The following MEF2C variants were observed in gnomAD, a reference collection of about 807,000 sequenced individuals.
MEF2C encodes the protein myocyte enhancer factor 2C.
In MEF2C, 6 loss-of-function variants were observed where a neutral mutation model predicts 50.5. That is an observed-to-expected ratio of 0.12 (90% confidence interval 0.07 to 0.23). The LOEUF is 0.23. MEF2C is among the 10% of genes least tolerant of loss of function. MEF2C has a pLI of 1.00. For synonymous variants in MEF2C, 183 were observed against 228.0 expected (o/e 0.80, Z 1.78); for missense variants, 276 against 605.0 (o/e 0.46, Z 5.70).
At chr5:88,898,441 T>C (rs1314280248) in intron 1 of MEF2C, among the ~76,000 whole-genome samples, 1 of 152,136 alleles carries the variant, frequency 6.6e-6, no homozygotes, top group Non-Finnish European at 1.5e-5. Context: ...GATAAGTGAC[T>C]CCCAAACATT....
chr5:88,815,360 A>G (rs903634459), intron 2 of MEF2C, among the ~76,000 whole-genome samples: 7 of 152,020 alleles, frequency 4.6e-5, no homozygotes, highest in Admixed American at 3.3e-4. Flanking sequence ...GGGCCTTCCA[A>G]ATCAATCCTT....
At chr5:88,884,307 G>T (rs1363840025), upstream of MEF2C, 1 of 152,158 alleles carries the variant, frequency 6.6e-6, no homozygotes, top group African/African-American at 2.4e-5. Context: ...CCACCGGTCG[G>T]TGCGCTCCTC....
At chr5:88,875,365 T>C (rs541680828) in intron 1 of MEF2C, among the ~76,000 whole-genome samples, 1 of 152,116 alleles carries the variant, frequency 6.6e-6, no homozygotes, top group East Asian at 1.9e-4. Context: ...GCACCACACA[T>C]TGTGGTGGAA....
chr5:88,894,320 A>G (rs1156991454), intron 1 of MEF2C, among the ~76,000 whole-genome samples: 1 of 152,216 alleles, frequency 6.6e-6, no homozygotes, highest in African/African-American at 2.4e-5. Context: ...ATGATGCTAT[A>G]CTGCTTCCTT....
At chr5:88,800,026 C>T (rs768872560) in intron 3 of MEF2C, among the ~76,000 whole-genome samples, 1 of 152,092 alleles carries the variant, frequency 6.6e-6, no homozygotes, top group Non-Finnish European at 1.5e-5. Context: ...CTCTGAATTT[C>T]CTAGAGAGCA....
intron 1 of MEF2C, among the ~76,000 whole-genome samples, chr5:88,846,564 CTT>C (rs1819426943): frequency 6.6e-6 from 1 of 152,180 alleles, no homozygotes; most frequent in South Asian, 2.1e-4. Context: ...GGAGAAATCT[CTT>C]TGTGCTCAAC....
At chr5:88,822,513 A>G (rs1000463993) in intron 2 of MEF2C, among the ~76,000 whole-genome samples, 1 of 152,118 alleles carries the variant, frequency 6.6e-6, no homozygotes, top group Admixed American at 6.6e-5. Flanking sequence ...TGTACCTGAA[A>G]ATATATAATA....
chr5:88,895,816 C>A (rs370687454), intron 1 of MEF2C, among the ~76,000 whole-genome samples: 1 of 152,108 alleles, frequency 6.6e-6, no homozygotes, highest in Non-Finnish European at 1.5e-5. Flanking sequence ...CCTTTATGTC[C>A]GCGGAATTCT....
intron 3 of MEF2C, among the ~76,000 whole-genome samples, chr5:88,785,137 T>C (rs1212592690): frequency 6.6e-6 from 1 of 152,120 alleles, no homozygotes; most frequent in Non-Finnish European, 1.5e-5. Flanking sequence ...TTACAGGAAC[T>C]GAACATAACA....
chr5:88,795,724 C>T (rs918547570), intron 3 of MEF2C, among the ~76,000 whole-genome samples: 1 of 152,174 alleles, frequency 6.6e-6, no homozygotes, highest in Non-Finnish European at 1.5e-5. Flanking sequence ...GTGCAGTTTT[C>T]AAAGGGAATG....
chr5:88,740,852 CTG>C, intron 6 of MEF2C: 8 of 985,290 alleles, frequency 8.1e-6, no homozygotes, highest in Non-Finnish European at 9.6e-6. Flanking sequence ...GATTTTGGGG[CTG>C]TCTCTTTGCT....
intron 4 of MEF2C, among the ~76,000 whole-genome samples, chr5:88,757,066 G>A (rs1247387079): frequency 6.6e-6 from 1 of 152,008 alleles, no homozygotes; most frequent in Non-Finnish European, 1.5e-5. Context: ...TGAGAACAGG[G>A]CCAAGTCGAG....
At chr5:88,743,565 TC>T in intron 6 of MEF2C, 1 of 979,158 alleles carries the variant, frequency 1.0e-6, no homozygotes, top group Non-Finnish European at 1.2e-6. Flanking sequence ...GATTATATTA[TC>T]ATAAAACATT....
intron 1 of MEF2C, among the ~76,000 whole-genome samples, chr5:88,835,930 T>C (rs1457599117): frequency 6.6e-6 from 1 of 151,780 alleles, no homozygotes; most frequent in Non-Finnish European, 1.5e-5. Flanking sequence ...TGACAAATGA[T>C]AGTATTTTAA....
intron 1 of MEF2C, among the ~76,000 whole-genome samples, chr5:88,889,659 G>A (rs1377035265): frequency 1.3e-5 from 2 of 151,964 alleles, no homozygotes; most frequent in African/African-American, 4.8e-5. Flanking sequence ...AGTCACGGCT[G>A]GGGGAAAAGC....
chr5:88,782,244 G>T, intron 3 of MEF2C: 1 of 754,134 alleles, frequency 1.3e-6, no homozygotes. Context: ...GAGGTGGGAG[G>T]ATCACTTGAG....
At chr5:88,882,917 G>A (rs1241829390) in intron 1 of MEF2C, 38 bp downstream of exon 1, 2 of 151,784 alleles carry the variant, frequency 1.3e-5, no homozygotes, top group Non-Finnish European at 2.9e-5. Flanking sequence ...ACAATACCCG[G>A]GTTTTCTATT....
Position 88,728,621 on chromosome 5 carries a change from A to G in MEF2C, c.972T>C (p.Ser324=). 1.4e-6 allele frequency: 2 copies of G among 1,449,934 alleles called. No individual in the cohort carries two copies. The highest frequency in any genetic ancestry group is 1.8e-6 in the Non-Finnish European group (2 of 1,094,204). The allele number at this position is 1,449,934 out of a possible 1,614,324, so 89.8% of individuals were successfully genotyped here. Residue 324 remains serine, a synonymous_variant, in exon 10 of 11, where the codon TCT becomes TCC. Transcript: ENST00000504921. ...AISTTYGTEY[S]LSSADLSSLS... The stretch of plus-strand genomic sequence containing the variant: ...GAGATGACAGGTCTGCACTACTCAG[A>G]GAGTACTCTAGATTAAAGAATAAAA...
chr5:88,828,275 G>A (rs774428428), intron 1 of MEF2C, among the ~76,000 whole-genome samples: 6 of 151,914 alleles, frequency 3.9e-5, no homozygotes, highest in African/African-American at 2.4e-5. Context: ...ATTCTCTTCT[G>A]CTAAACTTAT....
Sources: gnomAD v4.1 joint callset for allele counts (sites outside exome capture counted in the v4.1 genomes callset) on GRCh38, gnomAD v4.1.1 for gene constraint, MANE v1.5 for transcripts, NCBI Gene and HGNC (gene_info 2026-07-23, HGNC 2026-07-21) for gene names.